Variants in POMGNT2 observed in about 807,000 individuals in gnomAD.
The protein encoded by POMGNT2 is protein O-linked-mannose beta-1,4-N-acetylglucosaminyltransferase 2.
A neutral mutation model predicts 37.8 loss-of-function variants in POMGNT2; 32 were observed. The ratio of observed to expected loss-of-function variants is 0.85; its 90% CI spans 0.64 to 1.14. The LOEUF (loss-of-function observed/expected upper bound fraction) is 1.14, where lower values mean the gene tolerates loss of function less well. POMGNT2 is among the 50% of genes most tolerant of loss of function. The pLI is 0.00. For missense variants in POMGNT2, 705 were observed against 780.6 expected (o/e 0.90, Z 1.15); for synonymous variants, 340 against 336.8 (o/e 1.01, Z -0.10).
intron 1 of POMGNT2, among the ~76,000 whole-genome samples, chr3:43,089,347 G>A (rs1216012344): frequency 6.6e-6 from 1 of 152,214 alleles, no homozygotes; most frequent in Non-Finnish European, 1.5e-5. Flanking sequence ...GCAGGGGCTA[G>A]GAGGCAGTCC....
Position 43,084,291 on chromosome 3 carries a change from C to CT in POMGNT2, c.-105-2756dup, listed in dbSNP as rs567872388. Among the ~76,000 whole-genome samples, 105 of 152,082 alleles carry CT rather than the reference C, an allele frequency of 6.9e-4. 2 individuals carry two copies. The South Asian group carries it at 0.02, about 29-fold the overall frequency. On this transcript the variant is annotated intron_variant, in intron 1 of 1. Coordinates refer to ENST00000344697, the MANE Select transcript of POMGNT2 (RefSeq NM_032806.6). ...GAAATAGCCATTATTTCCTTGAAAA[C>CT]TTTTTCAGCCCCACACTGCTCTCCT...
intron 1 of POMGNT2, among the ~76,000 whole-genome samples, chr3:43,090,765 C>T (rs2089937161): frequency 1.3e-5 from 2 of 152,120 alleles, no homozygotes; most frequent in South Asian, 2.1e-4. Context: ...AGGGAGACCA[C>T]CCTGAGATCC....
chr3:43,104,899 T>C (rs1444104135), intron 1 of POMGNT2, among the ~76,000 whole-genome samples: 2 of 152,198 alleles, frequency 1.3e-5, no homozygotes, highest in African/African-American at 4.8e-5. Flanking sequence ...TAAGAGAGGA[T>C]AAGTGACTTG....
chr3:43,080,729 C>T lies in POMGNT2; in HGVS notation c.703G>A (p.Gly235Ser). Residue 235 changes from glycine (G) to serine (S), a missense_variant, in exon 2 of 2, where the codon GGC becomes AGC. Physicochemically the swap from Gly to Ser is moderately conservative, Grantham distance 56 (BLOSUM62 0). Coordinates refer to ENST00000344697, the MANE Select transcript of POMGNT2 (RefSeq NM_032806.6). ...TACCAGGTAGTGATCTTGGAGAGGC[C>T]CACAAAAGCATGGGAGAAGCACAGC... ...RLLCFSHAFV[G>S]LSKITTWYQY... 1 of 1,614,098 alleles carries T rather than the reference C, an allele frequency of 6.2e-7. No individual in the cohort carries two copies. Among genetic ancestry groups the T allele is most frequent in the Admixed American group, 1.7e-5 (1 of 60,028 alleles).
chr3:43,080,715 G>C lies in POMGNT2; in HGVS notation c.717C>G (p.Ile239Met). The change falls in exon 2 of 2, where the codon ATC (isoleucine) becomes ATG (methionine). Residue 239 changes from isoleucine (I) to methionine (M), a missense_variant. Physicochemically the swap from Ile to Met is conservative, Grantham distance 10 (BLOSUM62 1). Transcript: ENST00000344697. ...CAAAGCCATACTGGTACCAGGTAGT[G>C]ATCTTGGAGAGGCCCACAAAAGCAT... Reference protein sequence around the residue: ...FSHAFVGLSKITTWYQYGFVQ... With the variant: ...FSHAFVGLSKMTTWYQYGFVQ... The C allele has an allele frequency of 1.2e-6, 2 of 1,614,208 alleles. No individual in the cohort carries two copies. Among genetic ancestry groups the C allele is most frequent in the Non-Finnish European group, 1.7e-6 (2 of 1,180,052 alleles).
chr3:43,102,528 T>C lies in POMGNT2; in HGVS notation c.-106+3308A>G, dbSNP rs199523257. ...CTAAGAAAAAAAGGATGTTGGCCTC[T>C]GGGTAGGGGATAAAGATGAATGGTC... On this transcript the variant is annotated intron_variant, in intron 1 of 1. Coordinates refer to ENST00000344697, the MANE Select transcript of POMGNT2 (RefSeq NM_032806.6). Among the ~76,000 whole-genome samples, 22 of 152,322 alleles carry C rather than the reference T, an allele frequency of 1.4e-4. No homozygotes were observed. In the East Asian group the frequency reaches 4.1e-3, roughly 28 times the overall value.
chr3:43,080,239 G>A lies in POMGNT2; in HGVS notation c.1193C>T (p.Pro398Leu), dbSNP rs780971019. The A allele has an allele frequency of 3.1e-6, 5 of 1,614,166 alleles. No individual in the cohort carries two copies. Among genetic ancestry groups the A allele is most frequent in the Admixed American group, 1.7e-5 (1 of 60,022 alleles). ...CTCAGGGTGTGTGACTGTGTTCTCT[G>A]GCATCATGTTCCGCCAGGCTACATA... ...LQYVAWRNMM[P>L]ENTVTHPERP... The change falls in exon 2 of 2, where the codon CCA becomes CTA. Residue 398 changes from proline (P) to leucine (L), a missense_variant. Transcript: ENST00000344697.
intron 1 of POMGNT2, among the ~76,000 whole-genome samples, chr3:43,092,874 A>G (rs1260237946): frequency 3.3e-5 from 5 of 152,230 alleles, no homozygotes; most frequent in Non-Finnish European, 5.9e-5. Flanking sequence ...GATATTCAGG[A>G]AAAACAAAAC....
chr3:43,095,097 T>C (rs1033163223), intron 1 of POMGNT2, among the ~76,000 whole-genome samples: 2 of 151,932 alleles, frequency 1.3e-5, no homozygotes, highest in African/African-American at 2.4e-5. Context: ...GTCTCCATTT[T>C]CCATCCAGAG....
intron 1 of POMGNT2, among the ~76,000 whole-genome samples, chr3:43,104,152 T>C (rs563426124): frequency 6.6e-5 from 10 of 152,282 alleles, no homozygotes; most frequent in African/African-American, 2.4e-4. Flanking sequence ...AGCAATTAAG[T>C]AGAGGGGTTA....
At chr3:43,083,225 TAAC>T (rs138767341) in intron 1 of POMGNT2, among the ~76,000 whole-genome samples, 1,920 of 152,224 alleles carry the variant, frequency 0.013, 31 homozygotes, top group African/African-American at 0.044. Flanking sequence ...CTAAGTTCAT[TAAC>T]AACAACAGAA....
At chr3:43,097,210 T>C (rs2089986039) in intron 1 of POMGNT2, among the ~76,000 whole-genome samples, 1 of 152,218 alleles carries the variant, frequency 6.6e-6, no homozygotes, top group South Asian at 2.1e-4. Context: ...CACACTCACA[T>C]GCCTGCTAGG....
At chr3:43,085,262 G>A (rs144205354) in intron 1 of POMGNT2, among the ~76,000 whole-genome samples, 5 of 152,154 alleles carry the variant, frequency 3.3e-5, no homozygotes, top group African/African-American at 4.8e-5. Flanking sequence ...AGTGGGGAGG[G>A]TGTGGGGCAG....
chr3:43,096,612 G>A (rs2089981487), intron 1 of POMGNT2, among the ~76,000 whole-genome samples: 1 of 152,084 alleles, frequency 6.6e-6, no homozygotes, highest in Non-Finnish European at 1.5e-5. Flanking sequence ...TGGCATTCCA[G>A]GGCCACACAG....
Position 43,081,199 on chromosome 3 carries a change from ATGCGGTCTGTGTGCGTGCGGCCCG to A in POMGNT2, c.209_232del (p.Thr70_Arg77del). The A allele has an allele frequency of 6.2e-7, 1 of 1,614,142 alleles. No homozygotes were observed. Among genetic ancestry groups the A allele is most frequent in the East Asian group, 2.2e-5 (1 of 44,876 alleles). ...GTAGCAGAGCCACTTGAAGCGGCAG[ATGCGGTCTGTGTGCGTGCGGCCCG>A]TGCACACCATGTGTGTGCCGCCCTC... On this transcript the variant is annotated inframe_deletion, in exon 2 of 2. Coordinates refer to ENST00000344697, the MANE Select transcript of POMGNT2 (RefSeq NM_032806.6).
chr3:43,100,905 T>C (rs1239952334), intron 1 of POMGNT2, among the ~76,000 whole-genome samples: 2 of 152,198 alleles, frequency 1.3e-5, no homozygotes, highest in African/African-American at 4.8e-5. Flanking sequence ...TAGTCATTAA[T>C]ACAACCCCAC....
intron 1 of POMGNT2, among the ~76,000 whole-genome samples, chr3:43,082,115 C>T (rs2089861979): frequency 6.6e-6 from 1 of 152,230 alleles, no homozygotes; most frequent in African/African-American, 2.4e-5. Context: ...TGATGAAGCA[C>T]TGCTGCAGCA....
rs184464357 is a variant in POMGNT2 at position 43,079,583 on chromosome 3, G to C, written c.*106C>G. 15 of 992,296 alleles carry C rather than the reference G, an allele frequency of 1.5e-5. No homozygotes were observed. The Admixed American group carries it at 3.7e-4, about 25-fold the overall frequency. The allele number at this position is 992,296 out of a possible 1,614,324, so 61.5% of individuals were successfully genotyped here. On this transcript the variant is annotated 3_prime_UTR_variant, in exon 2 of 2. Transcript: ENST00000344697. ...ACAACAAGATGATGTGGAGGCACAG[G>C]CCTGCTCAATAAATAGTTCCCAGAA...
At chr3:43,082,880 T>C (rs1304091855) in intron 1 of POMGNT2, among the ~76,000 whole-genome samples, 1 of 152,138 alleles carries the variant, frequency 6.6e-6, no homozygotes, top group African/African-American at 2.4e-5. Context: ...GAAACACGTG[T>C]AGGGGAATGG....
Sources: allele counts gnomAD v4.1 joint callset (sites outside exome capture counted in the v4.1 genomes callset), GRCh38; gene constraint gnomAD v4.1.1; transcripts MANE v1.5; gene names NCBI Gene and HGNC (gene_info 2026-07-23, HGNC 2026-07-21).